The following PIBF1 variants were observed in gnomAD, a reference collection of about 807,000 sequenced individuals.
PIBF1 encodes progesterone immunomodulatory binding factor 1.
In PIBF1, 90 loss-of-function variants were observed where a neutral mutation model predicts 112.5. The ratio of observed to expected loss-of-function variants is 0.80; its 90% CI spans 0.67 to 0.95. The LOEUF (loss-of-function observed/expected upper bound fraction) is 0.95, where lower values mean the gene tolerates loss of function less well. PIBF1 is among the 40% of genes least tolerant of loss of function. The pLI is 0.00. For synonymous variants in PIBF1, 301 were observed against 288.6 expected, an observed-to-expected ratio of 1.04 and a Z score of -0.44; for missense variants, 915 against 852.3, an observed-to-expected ratio of 1.07 and a Z score of -0.92.
intron 11 of PIBF1, among the ~76,000 whole-genome samples, chr13:72,902,610 C>T (rs879308391): frequency 2.0e-5 from 3 of 151,914 alleles, no homozygotes; most frequent in Non-Finnish European, 2.9e-5. Context: ...AATAGAGATA[C>T]GTATAAAGGT....
intron 13 of PIBF1, among the ~76,000 whole-genome samples, chr13:72,918,645 C>T (rs149397837): frequency 0.012 from 1,886 of 151,776 alleles, 40 homozygotes; most frequent in African/African-American, 0.042. Context: ...CCACCTGCCT[C>T]GGCCTTCCAA....
At chr13:73,006,591 G>C (rs937947588) in intron 17 of PIBF1, among the ~76,000 whole-genome samples, 2 of 152,100 alleles carry the variant, frequency 1.3e-5, no homozygotes, top group Non-Finnish European at 2.9e-5. Context: ...ATATCTACCA[G>C]ACATAGATTT....
At position 72,878,720 on chromosome 13, in the gene PIBF1, TGTTGAA is replaced by T. The variant is rs1309293697; in HGVS notation, c.1323-15061_1323-15056del. ...GATATGTCCATTTCTAATACTAGCG[TGTTGAA>T]GTCTTCAACTATAGTAGTAGATTCA... is the stretch of plus-strand genomic sequence containing the variant. On this transcript the variant is annotated intron_variant, in intron 10 of 17. Transcript: ENST00000326291. 4.6e-5 allele frequency among the ~76,000 whole-genome samples: 7 copies of T among 152,338 alleles called. No homozygotes were observed. The South Asian group carries it at 1.0e-3, about 23-fold the overall frequency.
intron 9 of PIBF1, among the ~76,000 whole-genome samples, chr13:72,853,187 C>T (rs1234284481): frequency 6.6e-6 from 1 of 151,986 alleles, no homozygotes; most frequent in Non-Finnish European, 1.5e-5. Context: ...GTGTAATCTC[C>T]CAGTTAGTCA....
At chr13:72,927,969 A>G (rs1477095413) in intron 13 of PIBF1, among the ~76,000 whole-genome samples, 1 of 114,950 alleles carries the variant, frequency 8.7e-6, no homozygotes, top group African/African-American at 3.4e-5. Flanking sequence ...ACACATATAT[A>G]TATATATACA....
chr13:73,014,316 C>T (rs902089405), intron 17 of PIBF1, among the ~76,000 whole-genome samples: 4 of 152,094 alleles, frequency 2.6e-5, no homozygotes, highest in African/African-American at 9.7e-5. Context: ...GAATACTTCC[C>T]AGCTCATTTT....
At chr13:72,867,358 T>A (rs2038970846) in intron 10 of PIBF1, among the ~76,000 whole-genome samples, 1 of 152,208 alleles carries the variant, frequency 6.6e-6, no homozygotes, top group Non-Finnish European at 1.5e-5. Flanking sequence ...GTCTCAGGTA[T>A]GTCTTTATCA....
At chr13:72,908,396 G>A in intron 11 of PIBF1, 135 bp from the exon 12 acceptor site, 1 of 412,578 alleles carries the variant, frequency 2.4e-6, no homozygotes, top group Non-Finnish European at 4.3e-6. Context: ...TTCCTCATTA[G>A]TCATCTTAAT....
At chr13:72,801,932 T>C (rs1271760399) in intron 5 of PIBF1, among the ~76,000 whole-genome samples, 2 of 152,210 alleles carry the variant, frequency 1.3e-5, no homozygotes, top group African/African-American at 4.8e-5. Flanking sequence ...ATTAATTTTG[T>C]AAACAAATTA....
At chr13:72,863,251 G>C (rs1480324476) in intron 10 of PIBF1, among the ~76,000 whole-genome samples, 1 of 152,064 alleles carries the variant, frequency 6.6e-6, no homozygotes. Flanking sequence ...ATGGAAGAAG[G>C]CTACACCCAT....
chr13:72,822,301 T>C (rs1383214077), intron 6 of PIBF1, among the ~76,000 whole-genome samples: 2 of 152,138 alleles, frequency 1.3e-5, no homozygotes, highest in African/African-American at 2.4e-5. Context: ...TTAACAGTTT[T>C]CCCTGAAGTT....
intron 14 of PIBF1, among the ~76,000 whole-genome samples, chr13:72,955,768 A>C (rs1250890384): frequency 1.3e-5 from 2 of 152,134 alleles, no homozygotes; most frequent in Non-Finnish European, 1.5e-5. Flanking sequence ...CAGCTCTCCT[A>C]GTTCTTTCAT....
chr13:72,919,135 AT>A (rs1234908568), intron 13 of PIBF1, among the ~76,000 whole-genome samples: 1 of 152,228 alleles, frequency 6.6e-6, no homozygotes, highest in African/African-American at 2.4e-5. Context: ...TGATTTAGAC[AT>A]TTAGAGACAT....
At chr13:73,000,795 G>T (rs764508800) in intron 17 of PIBF1, among the ~76,000 whole-genome samples, 2 of 152,042 alleles carry the variant, frequency 1.3e-5, no homozygotes, top group African/African-American at 4.8e-5. Context: ...CTGGAATACC[G>T]GCTATAATCA....
chr13:72,985,035 A>T (rs910105176), intron 16 of PIBF1, among the ~76,000 whole-genome samples: 11 of 152,130 alleles, frequency 7.2e-5, no homozygotes, highest in Admixed American at 2.0e-4. Flanking sequence ...TTAAAAGTAC[A>T]TTTCTCTGAC....
intron 14 of PIBF1, among the ~76,000 whole-genome samples, chr13:72,955,274 A>G (rs925905283): frequency 1.3e-5 from 2 of 152,050 alleles, no homozygotes; most frequent in African/African-American, 2.4e-5. Flanking sequence ...TCATTCTGGG[A>G]AAAAATTCAG....
intron 13 of PIBF1, among the ~76,000 whole-genome samples, chr13:72,920,592 T>G (rs1164233377): frequency 6.6e-6 from 1 of 152,202 alleles, no homozygotes; most frequent in East Asian, 1.9e-4. Context: ...CAGTATAACC[T>G]TTGAGAGAAT....
intron 10 of PIBF1, among the ~76,000 whole-genome samples, chr13:72,859,100 T>G (rs374452581): frequency 3.3e-5 from 5 of 152,158 alleles, no homozygotes; most frequent in African/African-American, 1.2e-4. Flanking sequence ...AGGATTGCTT[T>G]GAGCCTTAGA....
intron 8 of PIBF1, among the ~76,000 whole-genome samples, chr13:72,828,806 G>A (rs911354715): frequency 2.0e-5 from 3 of 152,218 alleles, no homozygotes; most frequent in Non-Finnish European, 2.9e-5. Context: ...CCCAGTAATG[G>A]GATTGCTGGG....
Sources: gnomAD v4.1 joint callset for allele counts (sites outside exome capture counted in the v4.1 genomes callset) on GRCh38, gnomAD v4.1.1 for gene constraint, MANE v1.5 for transcripts, NCBI Gene and HGNC (gene_info 2026-07-23, HGNC 2026-07-21) for gene names.